INPP5D: variants seen among roughly 807,000 people sequenced by gnomAD.
INPP5D encodes inositol polyphosphate-5-phosphatase D.
Under a neutral mutation model 122.9 loss-of-function variants are expected in INPP5D, and 33 were observed. The ratio of observed to expected loss-of-function variants is 0.27; its 90% CI spans 0.20 to 0.36. The LOEUF is 0.36. Among genes scored for constraint, INPP5D ranks in the 10% least tolerant of loss-of-function variants. INPP5D has a pLI of 1.00. For missense variants in INPP5D, 1,053 were observed against 1,412.7 expected (o/e 0.75, Z 4.08); for synonymous variants, 584 against 576.2 (o/e 1.01, Z -0.19).
intron 4 of INPP5D, among the ~76,000 whole-genome samples, chr2:233,127,416 G>A (rs144992531): frequency 1.3e-5 from 2 of 152,248 alleles, no homozygotes; most frequent in Non-Finnish European, 1.5e-5. Flanking sequence ...AGTCTATTTC[G>A]CTTGTCAAGC....
chr2:233,123,684 A>T (rs1693065067), intron 3 of INPP5D, among the ~76,000 whole-genome samples: 2 of 152,228 alleles, frequency 1.3e-5, no homozygotes, highest in African/African-American at 4.8e-5. Context: ...TCATTGCAGC[A>T]CTATTTGCAA....
chr2:233,115,160 C>T (rs546288801), intron 2 of INPP5D, among the ~76,000 whole-genome samples: 113 of 152,354 alleles, frequency 7.4e-4, no homozygotes, highest in Admixed American at 1.6e-3. Flanking sequence ...AGCCATCGCG[C>T]CTGGCCTGTT....
intron 11 of INPP5D, among the ~76,000 whole-genome samples, chr2:233,162,806 G>A (rs150258645): frequency 8.5e-5 from 13 of 152,178 alleles, no homozygotes; most frequent in Non-Finnish European, 1.2e-4. Flanking sequence ...AGTAGAGCCC[G>A]GGCCAGTGCC....
intron 2 of INPP5D, among the ~76,000 whole-genome samples, chr2:233,098,964 A>ATTTATTTATTTATTTG: frequency 7.0e-6 from 1 of 143,692 alleles, no homozygotes. Flanking sequence ...TTATTTATTT[A>ATTTATTTATTTATTTG]TTTTTGAGAC....
At chr2:233,140,194 G>C (rs1693602889) in intron 6 of INPP5D, 1 of 242,688 alleles carries the variant, frequency 4.1e-6, no homozygotes, top group Non-Finnish European at 7.9e-6. Flanking sequence ...TGCCAAATAA[G>C]GGGGTAAGCA....
rs567029725 is a variant in INPP5D at position 233,086,208 on chromosome 2, C to T, written c.198+6810C>T. ...TTCTTTCCTTTTTGAGACAGAGTTT[C>T]GCTCTTGTTGCCCAGGGTGGAGGGC... is the stretch of plus-strand genomic sequence containing the variant. On this transcript the variant is annotated intron_variant, in intron 2 of 26. Coordinates refer to ENST00000445964, the MANE Select transcript of INPP5D (RefSeq NM_001017915.3). Among the ~76,000 whole-genome samples, 15 of 114,640 alleles carry T rather than the reference C, an allele frequency of 1.3e-4. No homozygotes were observed. In the East Asian group the frequency reaches 2.8e-3, roughly 21 times the overall value. The allele number at this position is 114,640 out of a possible 152,430, so 75.2% of individuals were successfully genotyped here. A position where few individuals can be genotyped will look rare whatever the true frequency, so the allele number is the denominator to read the frequency against.
At chr2:233,185,130 C>T (rs1694879533) in intron 20 of INPP5D, among the ~76,000 whole-genome samples, 1 of 152,126 alleles carries the variant, frequency 6.6e-6, no homozygotes, top group East Asian at 1.9e-4. Flanking sequence ...GTGTGTCCAG[C>T]CGTCTTCGCT....
intron 3 of INPP5D, 58 bp downstream of exon 3, chr2:233,122,315 C>T: frequency 3.9e-6 from 6 of 1,550,744 alleles, no homozygotes; most frequent in Non-Finnish European, 5.3e-6. Flanking sequence ...CCTGCACCCA[C>T]CTTGAGTGCT....
intron 24 of INPP5D, 126 bp downstream of exon 24, chr2:233,195,621 A>T: frequency 6.8e-7 from 1 of 1,476,138 alleles, no homozygotes; most frequent in Non-Finnish European, 9.1e-7. Context: ...CCAAGGCTGG[A>T]GGATCATTTG....
chr2:233,182,369 C>T (rs745938996), intron 18 of INPP5D, 41 bp from the exon 19 acceptor site: 16 of 1,611,108 alleles, frequency 9.9e-6, no homozygotes, highest in Non-Finnish European at 1.2e-5. Flanking sequence ...ACCGGAAGGG[C>T]TTCTCCTTCC....
chr2:233,147,686 G>A (rs1032618108), intron 9 of INPP5D, 92 bp downstream of exon 9: 5 of 675,474 alleles, frequency 7.4e-6, no homozygotes, highest in South Asian at 1.5e-5. Flanking sequence ...CTGCCCTGCA[G>A]GTCTGTCTTC....
chr2:233,157,025 A>G (rs1000827901), intron 9 of INPP5D, among the ~76,000 whole-genome samples: 12 of 152,258 alleles, frequency 7.9e-5, no homozygotes, highest in Non-Finnish European at 1.3e-4. Context: ...AAAACTAGAG[A>G]TGATGGAACA....
At chr2:233,095,238 T>C (rs1692104704) in intron 2 of INPP5D, among the ~76,000 whole-genome samples, 1 of 152,236 alleles carries the variant, frequency 6.6e-6, no homozygotes, top group African/African-American at 2.4e-5. Flanking sequence ...ATAGATTATA[T>C]ACACAAGATT....
At position 233,177,370 on chromosome 2, in the gene INPP5D, C is replaced by T. The variant is rs774176186; in HGVS notation, c.2071+24C>T. The T allele has an allele frequency of 3.7e-6, 6 of 1,613,494 alleles. 1 individual carries two copies. Among genetic ancestry groups the T allele is most frequent in the Non-Finnish European group, 4.2e-6 (5 of 1,179,616 alleles). ...TGGTGAGTTCAAACACTGGGGAAAG[C>T]AGAACAGGATCAGAGAATGGCACCA... On this transcript the variant is annotated intron_variant, in intron 18 of 26. Coordinates refer to ENST00000445964, the MANE Select transcript of INPP5D (RefSeq NM_001017915.3). This position sits in a 1 kb window ranked among gnomAD's most constrained non-coding sequence, Gnocchi z 4.2.
At chr2:233,110,660 G>A (rs1293581151) in intron 2 of INPP5D, among the ~76,000 whole-genome samples, 2 of 152,138 alleles carry the variant, frequency 1.3e-5, no homozygotes, top group Non-Finnish European at 2.9e-5. Flanking sequence ...AGTGGCTGAC[G>A]CCTGTAATCC....
At chr2:233,098,302 G>T (rs1413021299) in intron 2 of INPP5D, among the ~76,000 whole-genome samples, 1 of 152,130 alleles carries the variant, frequency 6.6e-6, no homozygotes, top group Non-Finnish European at 1.5e-5. Flanking sequence ...TCACCGAATG[G>T]TGCCCAAATG....
chr2:233,136,484 A>G (rs1367590725), intron 5 of INPP5D, among the ~76,000 whole-genome samples: 1 of 152,046 alleles, frequency 6.6e-6, no homozygotes, highest in Non-Finnish European at 1.5e-5. Context: ...GTTTAAAAAA[A>G]AAAAGGAAAT....
At chr2:233,114,268 C>T (rs916622123) in intron 2 of INPP5D, among the ~76,000 whole-genome samples, 1 of 152,262 alleles carries the variant, frequency 6.6e-6, no homozygotes, top group African/African-American at 2.4e-5. Flanking sequence ...GCCCAAGACA[C>T]CCATGCTCTG....
At chr2:233,176,278 C>T (rs143189883) in intron 17 of INPP5D, among the ~76,000 whole-genome samples, 10 of 129,940 alleles carry the variant, frequency 7.7e-5, no homozygotes, top group South Asian at 2.8e-4. Flanking sequence ...AGTAGGTAGA[C>T]GGGTGTGTGA....
Sources: gnomAD v4.1 joint callset for allele counts (sites outside exome capture counted in the v4.1 genomes callset) on GRCh38, gnomAD v4.1.1 for gene constraint, Gnocchi (gnomAD v3.1) non-coding constraint, MANE v1.5 for transcripts, NCBI Gene and HGNC (gene_info 2026-07-23, HGNC 2026-07-21) for gene names.